The following TFB2M variants were observed in gnomAD, a reference collection of about 807,000 sequenced individuals.
TFB2M encodes the protein dimethyladenosine transferase 2, mitochondrial.
Under a neutral mutation model 41.3 loss-of-function variants are expected in TFB2M, and 44 were observed. That is an observed-to-expected ratio of 1.07 (90% CI 0.84 to 1.37). The LOEUF is 1.37. Among genes scored for constraint, TFB2M ranks in the 40% most tolerant of loss-of-function variants. The pLI, the probability that TFB2M is intolerant of heterozygous loss-of-function variation, is 0.00. For synonymous variants in TFB2M, 188 were observed against 176.8 expected, an observed-to-expected ratio of 1.06 and a Z score of -0.50; for missense variants, 496 against 490.2, an observed-to-expected ratio of 1.01 and a Z score of -0.11.
At chr1:246,554,964 T>C (rs138390637) in intron 4 of TFB2M, among the ~76,000 whole-genome samples, 147 of 152,164 alleles carry the variant, frequency 9.7e-4, no homozygotes, top group African/African-American at 3.5e-3. Context: ...TGATAAGAGA[T>C]TAATATCCAG....
chr1:246,556,660 T>C lies in TFB2M; in HGVS notation c.618A>G (p.Lys206=), dbSNP rs950723380. The change falls in exon 4 of 8, where the codon AAA becomes AAG. Residue 206 remains lysine, a synonymous_variant. Coordinates refer to ENST00000366514, the MANE Select transcript of TFB2M (RefSeq NM_022366.3). The stretch of plus-strand genomic sequence containing the variant: ...TACAGGAATACAAGTCATATGCGAG[T>C]TTCCAAAGTGCCCTTTTCTCACCTC... ...PSRGEKRALW[K]LAYDLYSCTS... is the part of the protein sequence containing the mutation. The C allele has an allele frequency of 1.5e-5, 23 of 1,582,520 alleles. No homozygotes were observed. Among genetic ancestry groups the C allele is most frequent in the Admixed American group, 2.0e-5 (1 of 50,970 alleles).
At position 246,559,463 on chromosome 1, in the gene TFB2M, C is replaced by G. The variant is rs185791355; in HGVS notation, c.403-1929G>C. Among the ~76,000 whole-genome samples, 5 of 152,248 alleles carry G rather than the reference C, an allele frequency of 3.3e-5. No homozygotes were observed. In the East Asian group the frequency reaches 9.6e-4, roughly 29 times the overall value. On this transcript the variant is annotated intron_variant, in intron 2 of 7. Transcript: ENST00000366514. ...ATTGGGGAGGTGAAGTGGGAGAAAT[C>G]GCTTGAACCCAGGAGGCAGGGGTTG...
chr1:246,554,864 CA>C (rs1659279797), intron 4 of TFB2M, among the ~76,000 whole-genome samples: 1 of 151,974 alleles, frequency 6.6e-6, no homozygotes, highest in Non-Finnish European at 1.5e-5. Context: ...TTGACTTCAT[CA>C]AAATGAAAAA....
chr1:246,541,037 A>G lies in TFB2M; in HGVS notation c.1185T>C (p.Asp395=), dbSNP rs371852358. The change falls in exon 8 of 8, where the codon GAT becomes GAC. Residue 395 remains aspartate, a synonymous_variant. Coordinates refer to ENST00000366514, the MANE Select transcript of TFB2M (RefSeq NM_022366.3). ...YKWLYDETLE[D]R is the part of the protein sequence containing the mutation. ...AAAAACGACAGTCTAGTTGCTACCTATCTTCCAGGGTTTCATCATACAGCC... is the reference window on the plus strand; with the variant it reads ...AAAAACGACAGTCTAGTTGCTACCTGTCTTCCAGGGTTTCATCATACAGCC... 5.7e-5 allele frequency: 92 copies of G among 1,609,500 alleles called. 2 individuals carry two copies. The South Asian group carries it at 6.0e-4, about 10-fold the overall frequency.
chr1:246,544,070 C>T (rs1421492138), intron 7 of TFB2M, among the ~76,000 whole-genome samples: 1 of 152,164 alleles, frequency 6.6e-6, no homozygotes, highest in Non-Finnish European at 1.5e-5. Flanking sequence ...TTTTACAAAG[C>T]TTTGGGTAAA....
chr1:246,555,251 G>C (rs756579544), intron 4 of TFB2M, among the ~76,000 whole-genome samples: 2 of 152,114 alleles, frequency 1.3e-5, no homozygotes, highest in Non-Finnish European at 2.9e-5. Context: ...ATATCAAATG[G>C]TGCATCCACG....
Position 246,552,803 on chromosome 1 carries a change from G to A in TFB2M, c.706-1501C>T, listed in dbSNP as rs555843832. 2.3e-4 allele frequency among the ~76,000 whole-genome samples: 35 copies of A among 151,142 alleles called. 1 individual carries two copies. The highest frequency in any genetic ancestry group is 3.8e-4 in the Non-Finnish European group (26 of 67,758). Reference sequence around the variant, plus strand: ...AAACTAATAAATTCAGCTGAGTATGGTAGCTCACACTTGTAATCCCAGCAT... The same window carrying A: ...AAACTAATAAATTCAGCTGAGTATGATAGCTCACACTTGTAATCCCAGCAT... On this transcript the variant is annotated intron_variant, in intron 4 of 7. Transcript: ENST00000366514.
chr1:246,541,135 C>T lies in TFB2M; in HGVS notation c.1087G>A (p.Val363Ile). 6.2e-7 allele frequency: 1 copy of T among 1,614,136 alleles called. No homozygotes were observed. Residue 363 changes from valine to isoleucine, a missense_variant, in exon 8 of 8, where the codon GTT becomes ATT. Val to Ile is a conservative substitution (Grantham distance 29). Transcript: ENST00000366514. Reference sequence around the variant, plus strand: ...TTGAAGTCTTGAGGGTGCATGTTAACTACTTTCTCATCCTCCTGTTTTCCT... The same window carrying T: ...TTGAAGTCTTGAGGGTGCATGTTAATTACTTTCTCATCCTCCTGTTTTCCT... The part of the protein sequence containing the change: ...QIGKQEDEKV[V>I]NMHPQDFKTL...
chr1:246,552,625 G>A (rs1021073307), intron 4 of TFB2M, among the ~76,000 whole-genome samples: 1 of 151,796 alleles, frequency 6.6e-6, no homozygotes, highest in African/African-American at 2.4e-5. Context: ...CTTGAGCCCA[G>A]GAGTTTGAGG....
chr1:246,560,687 T>C (rs1480641293), intron 2 of TFB2M, among the ~76,000 whole-genome samples: 1 of 152,186 alleles, frequency 6.6e-6, no homozygotes, highest in East Asian at 1.9e-4. Context: ...ATTCAATTCA[T>C]ACAACAGATC....
chr1:246,557,752 A>G (rs1270863240), intron 2 of TFB2M, among the ~76,000 whole-genome samples: 1 of 152,132 alleles, frequency 6.6e-6, no homozygotes, highest in Non-Finnish European at 1.5e-5. Flanking sequence ...GGCTCACTGC[A>G]ACCTCTGCCT....
At position 246,546,983 on chromosome 1, in the gene TFB2M, A is replaced by ACACACACACACACACACTT. The variant is rs764498048; in HGVS notation, c.858+1561_858+1562insAAGTGTGTGTGTGTGTGTG. Among the ~76,000 whole-genome samples, 37 of 127,176 alleles carry ACACACACACACACACACTT rather than the reference A, an allele frequency of 2.9e-4. 1 individual carries two copies. The highest frequency in any genetic ancestry group is 1.0e-3 in the African/African-American group (34 of 33,932). 83.4% of individuals were successfully genotyped at this position (127,176 alleles called of 152,430 possible). Reference sequence around the variant, plus strand: ...TGTATATATACACACACACACACACATTTTTTTTTTTTTTTTTTGAGACAA... The same window carrying ACACACACACACACACACTT: ...TGTATATATACACACACACACACACACACACACACACACACACTTTTTTTTTTTTTTTTTTTTGAGACAA... On this transcript the variant is annotated intron_variant, in intron 6 of 7. Coordinates refer to ENST00000366514, the MANE Select transcript of TFB2M (RefSeq NM_022366.3).
intron 2 of TFB2M, among the ~76,000 whole-genome samples, chr1:246,561,999 T>C (rs1039918977): frequency 1.3e-5 from 2 of 152,216 alleles, no homozygotes; most frequent in African/African-American, 4.8e-5. Flanking sequence ...GGATCTTAAA[T>C]CTTCGGACAA....
In TFB2M at chr1:246,565,839, C is replaced by G; in HGVS notation, c.300G>C (p.Leu100=). Residue 100 remains leucine, a synonymous_variant, in exon 1 of 8, where the codon CTG becomes CTC. Coordinates refer to ENST00000366514, the MANE Select transcript of TFB2M (RefSeq NM_022366.3). ...GKPSRPPHLL[L]ECNPGPGILT... ...AGCTGGACTCACCTGGATTGCACTCCAGCAGTAGGTGTGGAGGTCTACTTG... is the reference window on the plus strand; with the variant it reads ...AGCTGGACTCACCTGGATTGCACTCGAGCAGTAGGTGTGGAGGTCTACTTG... 1.9e-6 allele frequency: 3 copies of G among 1,600,980 alleles called. No individual in the cohort carries two copies. Among genetic ancestry groups the G allele is most frequent in the Non-Finnish European group, 2.6e-6 (3 of 1,168,746 alleles).
chr1:246,546,636 TAAA>T (rs1465589125), intron 6 of TFB2M, among the ~76,000 whole-genome samples: 1 of 102,076 alleles, frequency 9.8e-6, no homozygotes, highest in East Asian at 2.6e-4. Flanking sequence ...AAATAAAAAA[TAAA>T]AAAAGGAAAA....
intron 7 of TFB2M, among the ~76,000 whole-genome samples, chr1:246,542,077 G>A (rs1166246463): frequency 6.6e-6 from 1 of 152,068 alleles, no homozygotes; most frequent in Non-Finnish European, 1.5e-5. Context: ...TGCACAGCAT[G>A]TTACTGTACT....
intron 4 of TFB2M, among the ~76,000 whole-genome samples, chr1:246,555,160 G>C (rs552857355): frequency 1.3e-5 from 2 of 152,118 alleles, no homozygotes; most frequent in Admixed American, 6.5e-5. Flanking sequence ...ATACCATTAG[G>C]AGAGGTATTA....
chr1:246,560,365 T>C (rs986587070), intron 2 of TFB2M, among the ~76,000 whole-genome samples: 1 of 152,050 alleles, frequency 6.6e-6, no homozygotes, highest in Non-Finnish European at 1.5e-5. Context: ...CTACTAATAA[T>C]ACAAAAAATC....
chr1:246,543,474 T>G (rs1260988548), intron 7 of TFB2M, among the ~76,000 whole-genome samples: 2 of 152,048 alleles, frequency 1.3e-5, no homozygotes, highest in Non-Finnish European at 2.9e-5. Flanking sequence ...TACATACAAA[T>G]TACATAGATG....
Sources: gnomAD v4.1 joint callset for allele counts (sites outside exome capture counted in the v4.1 genomes callset) on GRCh38, gnomAD v4.1.1 for gene constraint, MANE v1.5 for transcripts, NCBI Gene and HGNC (gene_info 2026-07-23, HGNC 2026-07-21) for gene names.